The following HACL1 variants were observed in gnomAD, a reference collection of about 807,000 sequenced individuals.
HACL1 encodes 1600020H07Rik.
A neutral mutation model predicts 74.2 loss-of-function variants in HACL1; 64 were observed. The ratio of observed to expected loss-of-function variants is 0.86; its 90% CI spans 0.70 to 1.06. HACL1 has a LOEUF of 1.06. HACL1 is among the 50% of genes least tolerant of loss of function. HACL1 has a pLI of 0.00. For synonymous variants in HACL1, 230 were observed against 238.8 expected (o/e 0.96, Z 0.34); for missense variants, 728 against 719.7 (o/e 1.01, Z -0.13).
chr3:15,576,230 T>G (rs2063625185), intron 9 of HACL1, among the ~76,000 whole-genome samples: 1 of 151,772 alleles, frequency 6.6e-6, no homozygotes, highest in Non-Finnish European at 1.5e-5. Flanking sequence ...CTACATATTT[T>G]GCTGAACACA....
chr3:15,578,947 T>G lies in HACL1; in HGVS notation c.803+963A>C, dbSNP rs549818128. Among the ~76,000 whole-genome samples, 6 of 152,304 alleles carry G rather than the reference T, an allele frequency of 3.9e-5. No homozygotes were observed. The East Asian group carries it at 1.2e-3, about 29-fold the overall frequency. On this transcript the variant is annotated intron_variant, in intron 9 of 16. Coordinates refer to ENST00000321169, the MANE Select transcript of HACL1 (RefSeq NM_012260.4). The stretch of plus-strand genomic sequence containing the variant: ...AGGAGAGAAAATAAATCCCTAATTC[T>G]GGGTATGAACCAGTACATGTCTGGG...
chr3:15,601,515 A>G lies in HACL1; in HGVS notation c.-52T>C. The G allele has an allele frequency of 1.2e-6, 2 of 1,609,268 alleles. No homozygotes were observed. The highest frequency in any genetic ancestry group is 1.1e-5 in the South Asian group (1 of 91,080). On this transcript the variant is annotated 5_prime_UTR_variant, in exon 1 of 17. The change abolishes an upstream ATG in the 5' untranslated region. Transcript: ENST00000321169. The stretch of plus-strand genomic sequence containing the variant: ...ACGCAGCCGGCAAACAAGCGGAATC[A>G]TCCAGCAAGGCAAACGCGAAATCGG...
At chr3:15,579,294 T>C (rs979260399) in intron 9 of HACL1, among the ~76,000 whole-genome samples, 1 of 152,200 alleles carries the variant, frequency 6.6e-6, no homozygotes, top group Non-Finnish European at 1.5e-5. Flanking sequence ...CAATCTGAGA[T>C]GACTCAGATG....
intron 10 of HACL1, among the ~76,000 whole-genome samples, chr3:15,573,883 C>A (rs2063577674): frequency 6.6e-6 from 1 of 152,306 alleles, no homozygotes; most frequent in East Asian, 1.9e-4. Context: ...TTAGCCACCC[C>A]AAAGGGGATG....
chr3:15,582,860 A>G lies in HACL1; in HGVS notation c.667+17T>C, dbSNP rs1371321004. The G allele has an allele frequency of 7.9e-7, 1 of 1,259,968 alleles. No individual in the cohort carries two copies. Among genetic ancestry groups the G allele is most frequent in the Non-Finnish European group, 1.2e-6 (1 of 863,306 alleles). The allele number at this position is 1,259,968 out of a possible 1,614,324, so 78.0% of individuals were successfully genotyped here. A position where few individuals can be genotyped will look rare whatever the true frequency, so the allele number is the denominator to read the frequency against. The stretch of plus-strand genomic sequence containing the variant: ...CTTTCAAAAGCCTAGCAAGATTTAG[A>G]GTTCTATTCATGCTACCTTTCCCGA... On this transcript the variant is annotated intron_variant, in intron 8 of 16. Coordinates refer to ENST00000321169, the MANE Select transcript of HACL1 (RefSeq NM_012260.4).
chr3:15,579,373 T>G (rs368217277), intron 9 of HACL1, among the ~76,000 whole-genome samples: 38 of 152,046 alleles, frequency 2.5e-4, no homozygotes, highest in African/African-American at 8.0e-4. Flanking sequence ...AGAAAAATAT[T>G]CTTAAAAGAA....
chr3:15,570,019 C>T (rs890939889), intron 12 of HACL1, among the ~76,000 whole-genome samples: 16 of 151,270 alleles, frequency 1.1e-4, no homozygotes, highest in Admixed American at 1.1e-3. Flanking sequence ...AGACTGGCTC[C>T]AGATAGAAAC....
intron 16 of HACL1, among the ~76,000 whole-genome samples, chr3:15,561,174 C>T (rs1238059452): frequency 6.6e-6 from 1 of 152,190 alleles, no homozygotes; most frequent in African/African-American, 2.4e-5. Context: ...CAGAAGTACA[C>T]TCAGAAGGAG....
chr3:15,589,787 C>T (rs2063857680), intron 4 of HACL1, among the ~76,000 whole-genome samples, 175 bp from the exon 5 acceptor site: 1 of 152,130 alleles, frequency 6.6e-6, no homozygotes, highest in Non-Finnish European at 1.5e-5. Context: ...TGTAATCCAG[C>T]ACTTTGGGAG....
chr3:15,573,728 C>T (rs146830700), intron 10 of HACL1, among the ~76,000 whole-genome samples: 11 of 152,252 alleles, frequency 7.2e-5, no homozygotes, highest in African/African-American at 1.4e-4. Flanking sequence ...TAACAGGTTT[C>T]GCAGGTGGTG....
intron 8 of HACL1, among the ~76,000 whole-genome samples, chr3:15,581,219 TCA>T (rs1394399082): frequency 6.6e-5 from 10 of 152,358 alleles, no homozygotes; most frequent in East Asian, 5.8e-4. Context: ...TCATTTGTTT[TCA>T]CAGTTATGTG....
chr3:15,590,378 T>A lies in HACL1; in HGVS notation c.309-766A>T, dbSNP rs139869182. The stretch of plus-strand genomic sequence containing the variant: ...GAAACCTTAAGGTACTTAAAAAATA[T>A]AACACCTTAAAGTAGATAAAGAAGA... On this transcript the variant is annotated intron_variant, in intron 4 of 16. Coordinates refer to ENST00000321169, the MANE Select transcript of HACL1 (RefSeq NM_012260.4). Among the ~76,000 whole-genome samples, 287 of 150,818 alleles carry A rather than the reference T, an allele frequency of 1.9e-3. 3 individuals carry two copies. The highest frequency in any genetic ancestry group is 1.6e-3 in the Non-Finnish European group (107 of 67,714).
At chr3:15,584,332 G>A (rs1053704293) in intron 7 of HACL1, among the ~76,000 whole-genome samples, 1 of 152,182 alleles carries the variant, frequency 6.6e-6, no homozygotes, top group African/African-American at 2.4e-5. Context: ...GCTCATGCCT[G>A]TAATCCCAGC....
intron 9 of HACL1, among the ~76,000 whole-genome samples, chr3:15,577,608 C>T (rs115555545): frequency 0.027 from 4,067 of 151,888 alleles, 162 homozygotes; most frequent in African/African-American, 0.091. Flanking sequence ...ATGGGCAACA[C>T]GGTGAAACCT....
chr3:15,601,423 A>G lies in HACL1; in HGVS notation c.41T>C (p.Val14Ala), dbSNP rs757189527. The change falls in exon 1 of 17, where the codon GTG becomes GCG. Residue 14 changes from valine (V) to alanine (A), a missense_variant. Coordinates refer to ENST00000321169, the MANE Select transcript of HACL1 (RefSeq NM_012260.4). ...CTGAGCGATGACTTTAGCACCAGAC[A>G]CCTGCTCCTCGCTGCGCTCTGCGAA... is the stretch of plus-strand genomic sequence containing the variant. The part of the protein sequence containing the change: ...SNFAERSEEQ[V>A]SGAKVIAQAL... 8 of 1,613,842 alleles carry G rather than the reference A, an allele frequency of 5.0e-6. No homozygotes were observed. The East Asian group carries it at 1.1e-4, about 22-fold the overall frequency.
chr3:15,576,358 C>T (rs1030440822), intron 9 of HACL1, among the ~76,000 whole-genome samples: 1 of 151,910 alleles, frequency 6.6e-6, no homozygotes, highest in Non-Finnish European at 1.5e-5. Flanking sequence ...TCCCTAGAAG[C>T]AGGTTATTTT....
At chr3:15,596,322 AAGACGT>A in intron 3 of HACL1, 56 bp downstream of exon 3, 1 of 836,932 alleles carries the variant, frequency 1.2e-6, no homozygotes. Context: ...CTTCAGCTGA[AAGACGT>A]AATAGTTCTA....
intron 14 of HACL1, among the ~76,000 whole-genome samples, chr3:15,566,490 C>A (rs1019210531): frequency 1.1e-4 from 17 of 151,954 alleles, no homozygotes; most frequent in African/African-American, 4.1e-4. Flanking sequence ...CCTGTCTCTA[C>A]AAAAAAATAC....
intron 3 of HACL1, among the ~76,000 whole-genome samples, chr3:15,593,958 C>T (rs545621244): frequency 6.6e-6 from 1 of 151,898 alleles, no homozygotes; most frequent in African/African-American, 2.4e-5. Context: ...CCACCACACC[C>T]GGCTAATTTT....
Sources: gnomAD v4.1 joint callset for allele counts (sites outside exome capture counted in the v4.1 genomes callset) on GRCh38, gnomAD v4.1.1 for gene constraint, MANE v1.5 for transcripts, NCBI Gene and HGNC (gene_info 2026-07-23, HGNC 2026-07-21) for gene names.